The following SLC38A8 variants were observed in gnomAD, a reference collection of about 807,000 sequenced individuals.
SLC38A8 encodes the protein amino acid transporter SLC38A8.
A neutral mutation model predicts 46.0 loss-of-function variants in SLC38A8; 65 were observed. The ratio of observed to expected loss-of-function variants is 1.41; its 90% CI spans 1.16 to 1.74. SLC38A8 has a LOEUF of 1.74. SLC38A8 is among the 40% of genes most tolerant of loss of function. SLC38A8 has a pLI of 0.00. For synonymous variants in SLC38A8, 447 were observed against 243.7 expected, an observed-to-expected ratio of 1.83 and a Z score of -7.77; for missense variants, 998 against 567.9, an observed-to-expected ratio of 1.76 and a Z score of -7.70.
rs1345623470 is a variant in SLC38A8, at chr16:84,017,148, G to A, written c.945C>T (p.Phe315=). The A allele has an allele frequency of 4.3e-6, 7 of 1,614,066 alleles. No homozygotes were observed. The highest frequency in any genetic ancestry group is 5.9e-6 in the Non-Finnish European group (7 of 1,180,008). ...SIVTVYPIVL[F]LGRSVMQDFW... is the part of the protein sequence containing the mutation. ...ACTGAGCCAGGCCTCACCTCCCCAG[G>A]AAGAGCACGATGGGGTAGACAGTTA... Residue 315 remains phenylalanine (F), a synonymous_variant, in exon 8 of 11, where the codon TTC becomes TTT. Coordinates refer to ENST00000299709, the MANE Select transcript of SLC38A8 (RefSeq NM_001080442.3).
rs1351025995 is a variant in SLC38A8 at position 84,016,616 on chromosome 16, G to T, written c.1065C>A (p.Val355=). 2 of 1,613,950 alleles carry T rather than the reference G, an allele frequency of 1.2e-6. No individual in the cohort carries two copies. Among genetic ancestry groups the T allele is most frequent in the East Asian group, 2.2e-5 (1 of 44,892 alleles). ...ACAGCGCCATGGCGAGCGTCACGGT[G>T]ACCCACAGGATGGTCAGCGGCATCC... ...WVRMPLTILW[V]TVTLAMALFM... is the part of the protein sequence containing the mutation. Residue 355 remains valine (V), a synonymous_variant, in exon 9 of 11, where the codon GTC becomes GTA. Transcript: ENST00000299709.
chr16:84,024,720 C>T lies in SLC38A8; in HGVS notation c.691-1831G>A, dbSNP rs866721581. Among the ~76,000 whole-genome samples the T allele has an allele frequency of 5.9e-5, 9 of 152,080 alleles. No homozygotes were observed. In the South Asian group the frequency reaches 1.2e-3, roughly 21 times the overall value. On this transcript the variant is annotated intron_variant, in intron 6 of 10. Transcript: ENST00000299709. ...CGCTCAAGCCTGGGAGGCAGAGTCT[C>T]GCTCTGTCACCCAGAATGGACTGAA...
intron 7 of SLC38A8, among the ~76,000 whole-genome samples, chr16:84,018,289 G>C (rs1025866315): frequency 4.3e-5 from 6 of 139,304 alleles, no homozygotes; most frequent in East Asian, 2.4e-4. Context: ...CTGGAGTGCA[G>C]TGGCACGATC....
intron 10 of SLC38A8, among the ~76,000 whole-genome samples, chr16:84,012,528 T>A (rs2084966586): frequency 6.6e-6 from 1 of 152,136 alleles, no homozygotes; most frequent in South Asian, 2.1e-4. Context: ...AGCTGTAGGA[T>A]GAAGACATGT....
chr16:84,012,972 G>A, intron 10 of SLC38A8, 29 bp downstream of exon 10: 8 of 1,613,106 alleles, frequency 5.0e-6, no homozygotes, highest in African/African-American at 1.3e-5. Context: ...GGCACACCCA[G>A]GGTGCCACCT....
At chr16:84,030,473 C>T (rs114157239) in intron 5 of SLC38A8, among the ~76,000 whole-genome samples, 1,833 of 152,124 alleles carry the variant, frequency 0.012, 46 homozygotes, top group African/African-American at 0.042. Context: ...CCTGCCAGCC[C>T]GGACCTCTCT....
At chr16:84,012,337 C>T (rs2084964340) in intron 10 of SLC38A8, among the ~76,000 whole-genome samples, 1 of 152,196 alleles carries the variant, frequency 6.6e-6, no homozygotes, top group East Asian at 1.9e-4. Flanking sequence ...TACAGAGGCT[C>T]AGTCGTGTCT....
chr16:84,022,762 G>C lies in SLC38A8; in HGVS notation c.805+13C>G, dbSNP rs375536350. 6.2e-7 allele frequency: 1 copy of C among 1,610,302 alleles called. No individual in the cohort carries two copies. The highest frequency in any genetic ancestry group is 8.5e-7 in the Non-Finnish European group (1 of 1,176,720). On this transcript the variant is annotated intron_variant, in intron 7 of 10. Coordinates refer to ENST00000299709, the MANE Select transcript of SLC38A8 (RefSeq NM_001080442.3). Reference sequence around the variant, plus strand: ...TCCCCACCCTCTGCAGGGGTGCCTGGGAAGGGCCTTACCCGTCAGTGAATA... The same window carrying C: ...TCCCCACCCTCTGCAGGGGTGCCTGCGAAGGGCCTTACCCGTCAGTGAATA...
intron 6 of SLC38A8, among the ~76,000 whole-genome samples, chr16:84,024,814 C>T (rs536852286): frequency 2.0e-5 from 3 of 152,038 alleles, no homozygotes; most frequent in African/African-American, 4.8e-5. Flanking sequence ...CTCAGCCTTC[C>T]GAGTAGCTGG....
At chr16:84,010,812 T>C (rs1022769504) in intron 10 of SLC38A8, among the ~76,000 whole-genome samples, 3 of 152,120 alleles carry the variant, frequency 2.0e-5, no homozygotes, top group Non-Finnish European at 4.4e-5. Flanking sequence ...TCCCTTTCTG[T>C]TCCTCAGCCT....
At chr16:84,028,531 C>T (rs2085194030) in intron 6 of SLC38A8, among the ~76,000 whole-genome samples, 1 of 149,706 alleles carries the variant, frequency 6.7e-6, no homozygotes, top group Non-Finnish European at 1.5e-5. Context: ...CACTACACTC[C>T]AGCCTGGGCA....
chr16:84,028,570 G>GAAAA (rs34104203), intron 6 of SLC38A8, among the ~76,000 whole-genome samples: 9 of 139,316 alleles, frequency 6.5e-5, no homozygotes, highest in African/African-American at 2.2e-4. Context: ...CTCAAAAAAA[G>GAAAA]AAAAAAAAAA....
At chr16:84,032,998 G>T (rs535180266) in intron 4 of SLC38A8, among the ~76,000 whole-genome samples, 1 of 145,250 alleles carries the variant, frequency 6.9e-6, no homozygotes, top group South Asian at 2.2e-4. Context: ...GGGTGTGCAT[G>T]GGGGGGTGTG....
At chr16:84,014,282 T>A (rs1356866928) in intron 9 of SLC38A8, among the ~76,000 whole-genome samples, 2 of 148,162 alleles carry the variant, frequency 1.3e-5, no homozygotes, top group African/African-American at 5.0e-5. Context: ...CCCTCACCTC[T>A]GAAAGCCTCG....
chr16:84,027,887 C>A (rs577625276), intron 6 of SLC38A8, among the ~76,000 whole-genome samples: 64 of 152,302 alleles, frequency 4.2e-4, no homozygotes, highest in African/African-American at 1.3e-3. Flanking sequence ...TTCTTAAACT[C>A]AGTCCAGACA....
intron 6 of SLC38A8, among the ~76,000 whole-genome samples, chr16:84,029,099 G>A (rs1369369692): frequency 6.6e-6 from 1 of 152,138 alleles, no homozygotes; most frequent in Non-Finnish European, 1.5e-5. Context: ...GTCCACCTGG[G>A]TAAAACTGTC....
intron 9 of SLC38A8, among the ~76,000 whole-genome samples, chr16:84,014,593 C>G (rs1208439038): frequency 6.6e-6 from 1 of 152,058 alleles, no homozygotes; most frequent in African/African-American, 2.4e-5. Flanking sequence ...AGCCACATGG[C>G]CACTCCCCTC....
At chr16:84,043,100 G>T (rs2085385578), upstream of SLC38A8, among the ~76,000 whole-genome samples, 1 of 152,168 alleles carries the variant, frequency 6.6e-6, no homozygotes, top group African/African-American at 2.4e-5. Context: ...TGCCTCCTAG[G>T]TGGTTTCCTT....
At position 84,036,622 on chromosome 16, in the gene SLC38A8, G is replaced by A. The variant is rs544139427; in HGVS notation, c.388+80C>T. The stretch of plus-strand genomic sequence containing the variant: ...CTCAGGGCCCAGGCCAGGGCCCCAC[G>A]TCCTGCTCAACTGGAAACTCCAAGA... On this transcript the variant is annotated intron_variant, in intron 3 of 10. Transcript: ENST00000299709. 2.8e-4 allele frequency: 421 copies of A among 1,520,470 alleles called. 1 individual carries two copies. In the African/African-American group the frequency reaches 3.0e-3, roughly 11 times the overall value. The allele number at this position is 1,520,470 out of a possible 1,614,324, so 94.2% of individuals were successfully genotyped here.
Sources: allele counts gnomAD v4.1 joint callset (sites outside exome capture counted in the v4.1 genomes callset), GRCh38; gene constraint gnomAD v4.1.1; transcripts MANE v1.5; gene names NCBI Gene and HGNC (gene_info 2026-07-23, HGNC 2026-07-21).